Variants in NCS1 observed in about 807,000 individuals in gnomAD.
NCS1 encodes the protein frequenin homolog.
A neutral mutation model predicts 28.4 loss-of-function variants in NCS1; 6 were observed. That is an observed-to-expected ratio of 0.21 (90% CI 0.12 to 0.42). The LOEUF is 0.42. NCS1 is among the 10% of genes least tolerant of loss of function. The probability of loss-of-function intolerance (pLI) is 1.00; values close to 1 mark genes in which losing one functional copy is unlikely to be tolerated. For synonymous variants in NCS1, 86 were observed against 99.3 expected (o/e 0.87, Z 0.79); for missense variants, 131 against 241.4 (o/e 0.54, Z 3.03).
chr9:130,183,010 G>A (rs1832683930), intron 1 of NCS1, among the ~76,000 whole-genome samples: 1 of 152,252 alleles, frequency 6.6e-6, no homozygotes, highest in South Asian at 2.1e-4. Flanking sequence ...TCTGTGGGGT[G>A]TGTGGCCCGG....
At chr9:130,204,036 A>G (rs1010646519) in intron 2 of NCS1, among the ~76,000 whole-genome samples, 25 of 152,140 alleles carry the variant, frequency 1.6e-4, no homozygotes, top group Admixed American at 1.2e-3. Flanking sequence ...CTTGTTGCCC[A>G]GGCCAGAGTG....
In NCS1 at chr9:130,200,841, C is replaced by G; in HGVS notation, c.65-117C>G. 3 of 1,497,282 alleles carry G rather than the reference C, an allele frequency of 2.0e-6. No individual in the cohort carries two copies. The South Asian group carries it at 3.4e-5, about 17-fold the overall frequency. The allele number at this position is 1,497,282 out of a possible 1,614,324, so 92.7% of individuals were successfully genotyped here. ...TTCTCATCCAGAGCAGGCCGTTGCCCGGGGACATGGCCGTGGGGAGGGGAG... is the reference window on the plus strand; with the variant it reads ...TTCTCATCCAGAGCAGGCCGTTGCCGGGGGACATGGCCGTGGGGAGGGGAG... On this transcript the variant is annotated intron_variant, in intron 1 of 7. Transcript: ENST00000372398.
intron 1 of NCS1, among the ~76,000 whole-genome samples, chr9:130,187,680 T>C (rs549946701): frequency 6.6e-6 from 1 of 152,220 alleles, no homozygotes; most frequent in East Asian, 1.9e-4. Context: ...GCCCAGTCTC[T>C]GCGTCCCTGC....
chr9:130,194,645 G>T (rs1175311765), intron 1 of NCS1, among the ~76,000 whole-genome samples: 1 of 152,188 alleles, frequency 6.6e-6, no homozygotes, highest in Non-Finnish European at 1.5e-5. Context: ...GTTCAGAGGG[G>T]TTAAGAAACT....
At chr9:130,222,792 A>G in intron 5 of NCS1, 54 bp downstream of exon 5, 1 of 1,548,734 alleles carries the variant, frequency 6.5e-7, no homozygotes, top group Non-Finnish European at 8.9e-7. Context: ...AAAGCCAGTG[A>G]CTGAGAGACA....
chr9:130,208,699 G>A (rs529508534), intron 2 of NCS1, among the ~76,000 whole-genome samples: 12 of 152,350 alleles, frequency 7.9e-5, no homozygotes, highest in African/African-American at 1.2e-4. Flanking sequence ...ATTCTGGGCC[G>A]CGCCATGCAG....
intron 5 of NCS1, 101 bp from the exon 6 acceptor site, chr9:130,222,981 G>A (rs1169272697): frequency 1.9e-5 from 15 of 796,224 alleles, no homozygotes; most frequent in Admixed American, 5.0e-5. Flanking sequence ...AGAGGGGGGC[G>A]GCCCTCATCT....
At chr9:130,216,187 G>A (rs972070838) in intron 2 of NCS1, among the ~76,000 whole-genome samples, 7 of 152,146 alleles carry the variant, frequency 4.6e-5, no homozygotes, top group African/African-American at 9.7e-5. Context: ...AGAGTGCCGC[G>A]CGCACCATGC....
Position 130,228,672 on chromosome 9 carries a change from T to C in NCS1, c.*17+2168T>C, listed in dbSNP as rs10116126. 4.4e-3 allele frequency among the ~76,000 whole-genome samples: 594 copies of C among 135,652 alleles called. 4 individuals carry two copies. The highest frequency in any genetic ancestry group is 0.015 in the African/African-American group (564 of 37,764). The allele number at this position is 135,652 out of a possible 152,430, so 89.0% of individuals were successfully genotyped here. On this transcript the variant is annotated intron_variant, in intron 7 of 7. Coordinates refer to ENST00000372398, the MANE Select transcript of NCS1 (RefSeq NM_014286.4). ...CACTGTTTTTTTCTTTCTTTCTTTCTTTTTTTTTTTTTGAGACAGGGTCTC... is the reference window on the plus strand; with the variant it reads ...CACTGTTTTTTTCTTTCTTTCTTTCCTTTTTTTTTTTTGAGACAGGGTCTC...
intron 1 of NCS1, among the ~76,000 whole-genome samples, chr9:130,187,266 A>C (rs7861727): frequency 0.93 from 141,891 of 152,222 alleles, 66,261 homozygotes; most frequent in East Asian, 1. Flanking sequence ...GATGTGTCCG[A>C]GTCTGTGCCT....
intron 2 of NCS1, among the ~76,000 whole-genome samples, chr9:130,214,196 G>A (rs563903985): frequency 3.9e-5 from 6 of 152,366 alleles, no homozygotes; most frequent in African/African-American, 1.4e-4. Context: ...ACAGACAAGT[G>A]GGCAGGGGCA....
At chr9:130,210,745 T>C (rs1833101948) in intron 2 of NCS1, among the ~76,000 whole-genome samples, 1 of 151,888 alleles carries the variant, frequency 6.6e-6, no homozygotes, top group South Asian at 2.1e-4. Flanking sequence ...AGGTCAAGAG[T>C]GGGGCAGGAT....
rs1428883781 is a variant in NCS1, at chr9:130,209,986, C to T, written c.90-7846C>T. Among the ~76,000 whole-genome samples, 4 of 152,044 alleles carry T rather than the reference C, an allele frequency of 2.6e-5. No homozygotes were observed. The highest frequency in any genetic ancestry group is 2.1e-4 in the South Asian group (1 of 4,820). On this transcript the variant is annotated intron_variant, in intron 2 of 7. Transcript: ENST00000372398. The surrounding 1 kb of genome is among the most constrained non-coding windows in gnomAD (Gnocchi z 4.4). ...CCCCAAAGAGTTAAGACCCTGTTCGCGAACAAGGTTGTGTGAGGTGTGGCC... is the reference window on the plus strand; with the variant it reads ...CCCCAAAGAGTTAAGACCCTGTTCGTGAACAAGGTTGTGTGAGGTGTGGCC...
At chr9:130,227,737 A>G (rs944393009) in intron 7 of NCS1, among the ~76,000 whole-genome samples, 2 of 152,246 alleles carry the variant, frequency 1.3e-5, no homozygotes, top group Admixed American at 6.5e-5. Context: ...CCATTGCTAC[A>G]TATTACATTA....
intron 2 of NCS1, among the ~76,000 whole-genome samples, chr9:130,210,542 G>A (rs1354408402): frequency 2.6e-5 from 4 of 152,146 alleles, no homozygotes; most frequent in Non-Finnish European, 5.9e-5. Flanking sequence ...CACTGGCTCT[G>A]GTGTTTGTGG....
intron 6 of NCS1, among the ~76,000 whole-genome samples, chr9:130,223,915 C>T (rs1833373972): frequency 6.6e-6 from 1 of 151,814 alleles, no homozygotes; most frequent in African/African-American, 2.4e-5. Flanking sequence ...GGCGCGATCT[C>T]GGCTCACTGC....
Position 130,180,515 on chromosome 9 carries a change from G to A in NCS1, c.64+7788G>A, listed in dbSNP as rs3780710. 0.24 allele frequency among the ~76,000 whole-genome samples: 36,737 copies of A among 152,092 alleles called. 5,789 individuals are homozygous for A. Among genetic ancestry groups the A allele is most frequent in the East Asian group, 0.59 (3,034 of 5,168 alleles). ...TGATCTATTTTGCAGGGCAGAGAGTGTCAGAGATTACGTTGCGGCGTTTCT... is the reference window on the plus strand; with the variant it reads ...TGATCTATTTTGCAGGGCAGAGAGTATCAGAGATTACGTTGCGGCGTTTCT... On this transcript the variant is annotated intron_variant, in intron 1 of 7. Coordinates refer to ENST00000372398, the MANE Select transcript of NCS1 (RefSeq NM_014286.4). The surrounding 1 kb of genome is among the most constrained non-coding windows in gnomAD (Gnocchi z 4.5).
intron 1 of NCS1, among the ~76,000 whole-genome samples, chr9:130,189,736 G>C (rs1832788838): frequency 6.6e-6 from 1 of 151,246 alleles, no homozygotes; most frequent in South Asian, 2.1e-4. Context: ...CAGCTACTCA[G>C]GAAGCTGAGG....
intron 1 of NCS1, among the ~76,000 whole-genome samples, chr9:130,187,581 C>T (rs570625608): frequency 6.6e-6 from 1 of 152,300 alleles, no homozygotes; most frequent in South Asian, 2.1e-4. Context: ...AGGGGCCAGA[C>T]CTCGGTGTTT....
Sources: allele counts gnomAD v4.1 joint callset (sites outside exome capture counted in the v4.1 genomes callset), GRCh38; gene constraint gnomAD v4.1.1; non-coding constraint Gnocchi (gnomAD v3.1); transcripts MANE v1.5; gene names NCBI Gene and HGNC (gene_info 2026-07-23, HGNC 2026-07-21).